DIP2B: variants seen among roughly 807,000 people sequenced by gnomAD.
The protein encoded by DIP2B is DIP2 acetate--CoA ligase B (putative), also known as disco-interacting protein 2 homolog B.
DIP2B carries 76 observed loss-of-function variants against 198.0 expected under a neutral mutation model. The ratio of observed to expected loss-of-function variants is 0.38; its 90% CI spans 0.32 to 0.46. DIP2B has a LOEUF of 0.46. Among genes scored for constraint, DIP2B ranks in the 20% least tolerant of loss-of-function variants. DIP2B has a pLI of 0.99. For synonymous variants in DIP2B, 701 were observed against 739.1 expected, an observed-to-expected ratio of 0.95 and a Z score of 0.84; for missense variants, 1,559 against 1,978.4, an observed-to-expected ratio of 0.79 and a Z score of 4.02.
intron 4 of DIP2B, among the ~76,000 whole-genome samples, chr12:50,661,383 TC>T (rs1254821908): frequency 6.6e-6 from 1 of 152,216 alleles, no homozygotes; most frequent in African/African-American, 2.4e-5. Context: ...TTCATACTGA[TC>T]CTATTCCCTG....
At chr12:50,719,864 A>G (rs1939802192) in intron 25 of DIP2B, among the ~76,000 whole-genome samples, 1 of 147,652 alleles carries the variant, frequency 6.8e-6, no homozygotes, top group Non-Finnish European at 1.5e-5. Flanking sequence ...GAAAAAATAT[A>G]TATATTATAT....
chr12:50,585,865 G>A (rs1958765686), intron 1 of DIP2B, among the ~76,000 whole-genome samples: 2 of 152,214 alleles, frequency 1.3e-5, no homozygotes, highest in South Asian at 4.1e-4. Context: ...CATTATCCTG[G>A]GCATTTACTT....
At chr12:50,559,688 C>A (rs1235204795) in intron 1 of DIP2B, among the ~76,000 whole-genome samples, 2 of 138,440 alleles carry the variant, frequency 1.4e-5, no homozygotes, top group African/African-American at 2.8e-5. Context: ...CACCACTGCA[C>A]TGTAGCCTCA....
intron 1 of DIP2B, among the ~76,000 whole-genome samples, chr12:50,527,096 A>G (rs1390142764): frequency 2.6e-5 from 4 of 152,254 alleles, no homozygotes; most frequent in African/African-American, 9.6e-5. Context: ...AATATTTCAC[A>G]TGCCTGGTTT....
intron 13 of DIP2B, 48 bp downstream of exon 13, chr12:50,691,199 G>C: frequency 6.6e-7 from 1 of 1,520,864 alleles, no homozygotes; most frequent in Non-Finnish European, 9.1e-7. Context: ...TCAGAGATGT[G>C]TGACTGTGAG....
intron 4 of DIP2B, among the ~76,000 whole-genome samples, chr12:50,667,755 T>C (rs1219813190): frequency 6.6e-6 from 1 of 152,220 alleles, no homozygotes; most frequent in Admixed American, 6.5e-5. Flanking sequence ...CCATTTAAAT[T>C]ACTCTTAGGA....
intron 22 of DIP2B, among the ~76,000 whole-genome samples, chr12:50,709,290 A>G (rs1165399819): frequency 1.3e-5 from 2 of 152,236 alleles, no homozygotes; most frequent in Admixed American, 1.3e-4. Flanking sequence ...TCAGTAAATA[A>G]TGATGGTGAT....
intron 1 of DIP2B, among the ~76,000 whole-genome samples, chr12:50,511,764 G>A (rs886508188): frequency 8.6e-5 from 13 of 151,548 alleles, no homozygotes; most frequent in East Asian, 2.0e-4. Flanking sequence ...CCTGGCCAAC[G>A]TGGTGAAATC....
At chr12:50,542,980 A>G (rs1958339975) in intron 1 of DIP2B, among the ~76,000 whole-genome samples, 1 of 150,786 alleles carries the variant, frequency 6.6e-6, no homozygotes, top group Admixed American at 6.6e-5. Flanking sequence ...CTATCCTCCC[A>G]CCTCAGCCTC....
At chr12:50,671,678 G>A (rs1339250511) in intron 5 of DIP2B, among the ~76,000 whole-genome samples, 2 of 152,226 alleles carry the variant, frequency 1.3e-5, no homozygotes. Context: ...ACCAGTCTCA[G>A]TGTGGAGTTA....
At chr12:50,569,035 G>A (rs1958591338) in intron 1 of DIP2B, among the ~76,000 whole-genome samples, 1 of 149,900 alleles carries the variant, frequency 6.7e-6, no homozygotes. Flanking sequence ...AGATTTGCAT[G>A]GTGAATTTTT....
intron 4 of DIP2B, among the ~76,000 whole-genome samples, chr12:50,664,368 T>C (rs914326094): frequency 1.3e-5 from 2 of 152,228 alleles, no homozygotes; most frequent in Admixed American, 1.3e-4. Flanking sequence ...CTAATTTCTA[T>C]CTTGTGAATT....
chr12:50,740,958 A>G (rs7968440), intron 36 of DIP2B, among the ~76,000 whole-genome samples: 41,398 of 151,834 alleles, frequency 0.27, 6,412 homozygotes, highest in Non-Finnish European at 0.35. Context: ...AGACTCAGTG[A>G]TGTCCTCTGC....
chr12:50,547,020 A>AT (rs1315301157), intron 1 of DIP2B, among the ~76,000 whole-genome samples: 1 of 152,088 alleles, frequency 6.6e-6, no homozygotes, highest in East Asian at 1.9e-4. Context: ...TTACCTCCTT[A>AT]TTTTTACTCC....
At chr12:50,718,671 G>A (rs760959389) in intron 23 of DIP2B, 38 bp from the exon 24 acceptor site, 34 of 1,543,182 alleles carry the variant, frequency 2.2e-5, no homozygotes, top group Middle Eastern at 3.4e-4. Context: ...AGTTGGAATC[G>A]CCATCTCCAG....
At chr12:50,665,153 A>G (rs1483032505) in intron 4 of DIP2B, among the ~76,000 whole-genome samples, 1 of 152,120 alleles carries the variant, frequency 6.6e-6, no homozygotes, top group Non-Finnish European at 1.5e-5. Flanking sequence ...ATATTTCTAT[A>G]TATGAAAATG....
chr12:50,724,832 C>T lies in DIP2B; in HGVS notation c.3346C>T (p.Arg1116Ter), dbSNP rs2139590550. 10 of 1,614,104 alleles carry T rather than the reference C, an allele frequency of 6.2e-6. No homozygotes were observed. Among genetic ancestry groups the T allele is most frequent in the East Asian group, 2.2e-5 (1 of 44,884 alleles). The change falls in exon 28 of 38, where the codon CGA becomes TGA. Residue 1116 changes from arginine (R) to a stop codon, truncating the protein, a stop_gained. Transcript: ENST00000301180. LOFTEE classifies it high-confidence loss of function. ...GACCCTAATGAGGCTACTGAGGTCC[C>T]GAGAGGCAGCAGCAGCTGTGGATGT... Reference protein sequence around the residue: ...SQTLMRLLRSREAAAAVDVKT... With the variant: ...SQTLMRLLRS
chr12:50,581,423 C>T (rs77010202), intron 1 of DIP2B, among the ~76,000 whole-genome samples: 1,939 of 149,522 alleles, frequency 0.013, 74 homozygotes, highest in Non-Finnish European at 0.019. Context: ...AGGTTGGAGG[C>T]GCCCAATAGG....
intron 1 of DIP2B, among the ~76,000 whole-genome samples, chr12:50,577,794 A>C (rs911321082): frequency 2.0e-5 from 3 of 152,042 alleles, no homozygotes; most frequent in Admixed American, 2.0e-4. Flanking sequence ...AAATTAAAGT[A>C]AAATTAAAAA....
Sources: gnomAD v4.1 joint callset for allele counts (sites outside exome capture counted in the v4.1 genomes callset) on GRCh38, gnomAD v4.1.1 for gene constraint, MANE v1.5 for transcripts, NCBI Gene and HGNC (gene_info 2026-07-23, HGNC 2026-07-21) for gene names.